Variants in CDKL1 observed in about 807,000 individuals in gnomAD.
CDKL1 encodes the protein cyclin-dependent kinase-like 1.
In CDKL1, 41 loss-of-function variants were observed where a neutral mutation model predicts 42.0. That is an observed-to-expected ratio of 0.98 (90% CI 0.76 to 1.27). The LOEUF is 1.27. CDKL1 is among the 50% of genes most tolerant of loss of function. CDKL1 has a pLI of 0.00. For missense variants in CDKL1, 394 were observed against 428.4 expected, an observed-to-expected ratio of 0.92 and a Z score of 0.71; for synonymous variants, 153 against 158.6, an observed-to-expected ratio of 0.96 and a Z score of 0.26.
intron 6 of CDKL1, among the ~76,000 whole-genome samples, chr14:50,339,298 A>G (rs1243374014): frequency 6.6e-6 from 1 of 152,154 alleles, no homozygotes; most frequent in Non-Finnish European, 1.5e-5. Context: ...CTCAGAGCCT[A>G]CAGTGTACTG....
intron 3 of CDKL1, among the ~76,000 whole-genome samples, chr14:50,351,093 G>C (rs1351370224): frequency 6.6e-6 from 1 of 152,094 alleles, no homozygotes; most frequent in East Asian, 1.9e-4. Context: ...GCGGGAGAGG[G>C]GGGTGTCATT....
intron 7 of CDKL1, chr14:50,335,352 C>T (rs2033205378): frequency 1.7e-6 from 1 of 577,566 alleles, no homozygotes; most frequent in African/African-American, 2.0e-5. Context: ...ATAAAGGGAG[C>T]TGCAAAATAG....
At chr14:50,337,540 A>T (rs1345880482) in intron 7 of CDKL1, among the ~76,000 whole-genome samples, 2 of 151,872 alleles carry the variant, frequency 1.3e-5, no homozygotes, top group East Asian at 3.9e-4. Flanking sequence ...TTTTGTAGAG[A>T]CAGGGTCTTG....
chr14:50,357,882 T>C, intron 3 of CDKL1: 1 of 408,340 alleles, frequency 2.4e-6, no homozygotes, highest in Non-Finnish European at 4.7e-6. Context: ...AAATCCACCA[T>C]ATAAGGGAAG....
intron 2 of CDKL1, among the ~76,000 whole-genome samples, chr14:50,394,511 G>A (rs1453567902): frequency 6.6e-6 from 1 of 152,118 alleles, no homozygotes; most frequent in African/African-American, 2.4e-5. Context: ...CTTATCCATG[G>A]GCACAAGATT....
chr14:50,336,104 A>C, intron 7 of CDKL1: 1 of 1,366,020 alleles, frequency 7.3e-7, no homozygotes, highest in Non-Finnish European at 9.8e-7. Context: ...TCTCAGCAAC[A>C]ATGTCTGGAT....
intron 9 of CDKL1, chr14:50,331,587 A>G (rs2032944511): frequency 5.9e-6 from 1 of 169,022 alleles, no homozygotes; most frequent in South Asian, 1.5e-4. Context: ...AAGGCAAGAT[A>G]ATGTATAGCT....
intron 2 of CDKL1, among the ~76,000 whole-genome samples, chr14:50,364,718 C>A (rs968813010): frequency 3.9e-5 from 6 of 152,174 alleles, no homozygotes; most frequent in African/African-American, 7.2e-5. Flanking sequence ...CAGGCACATA[C>A]AACAGGGTCA....
At chr14:50,383,748 T>G (rs1434341979) in intron 2 of CDKL1, among the ~76,000 whole-genome samples, 1 of 152,146 alleles carries the variant, frequency 6.6e-6, no homozygotes, top group African/African-American at 2.4e-5. Flanking sequence ...GAGTCTACAG[T>G]GTGTGGCAGG....
rs1555345092 is a variant in CDKL1 at position 50,387,033 on chromosome 14, A to AAAAAAAG, written c.168+8667_168+8668insCTTTTTT. Among the ~76,000 whole-genome samples the AAAAAAAG allele has an allele frequency of 9.5e-3, 1,368 of 144,208 alleles. 14 individuals carry two copies. Among genetic ancestry groups the AAAAAAAG allele is most frequent in the African/African-American group, 0.03 (1,210 of 39,674 alleles). The allele number at this position is 144,208 out of a possible 152,430, so 94.6% of individuals were successfully genotyped here. ...CAGAGCGAGACTCCGTCTCAAAAAG[A>AAAAAAAG]AAAAAAAAAAAAGAATACAAAGAAT... On this transcript the variant is annotated intron_variant, in intron 2 of 9. Coordinates refer to ENST00000395834, the MANE Select transcript of CDKL1 (RefSeq NM_004196.7).
upstream of CDKL1, chr14:50,396,951 C>T: frequency 1.9e-6 from 1 of 521,792 alleles, no homozygotes; most frequent in Non-Finnish European, 2.8e-6. Flanking sequence ...TGGGCGGGGC[C>T]GCCGCGCCCC....
intron 2 of CDKL1, among the ~76,000 whole-genome samples, chr14:50,371,819 C>G (rs1240221776): frequency 6.6e-6 from 1 of 152,240 alleles, no homozygotes; most frequent in Non-Finnish European, 1.5e-5. Flanking sequence ...CCCCTGCAGG[C>G]TCAGAAGTGC....
At chr14:50,392,455 T>C (rs944287493) in intron 2 of CDKL1, among the ~76,000 whole-genome samples, 1 of 112,264 alleles carries the variant, frequency 8.9e-6, no homozygotes, top group Non-Finnish European at 1.8e-5. Context: ...AAAAAAGAAA[T>C]AATAATAATA....
At chr14:50,331,213 A>G (rs1293409653) in intron 9 of CDKL1, 2 of 151,992 alleles carry the variant, frequency 1.3e-5, no homozygotes, top group African/African-American at 4.8e-5. Context: ...AGCCTGAGCG[A>G]CAGAGTGAGA....
intron 3 of CDKL1, among the ~76,000 whole-genome samples, chr14:50,352,537 G>A (rs2033932975): frequency 6.6e-6 from 1 of 152,004 alleles, no homozygotes; most frequent in Admixed American, 6.6e-5. Context: ...AGAGAGGAAT[G>A]GTGAGACATA....
chr14:50,374,179 A>G (rs969652235), intron 2 of CDKL1, among the ~76,000 whole-genome samples: 1 of 152,244 alleles, frequency 6.6e-6, no homozygotes, highest in Non-Finnish European at 1.5e-5. Flanking sequence ...AAAAGGCTAC[A>G]TATTGTACTA....
rs1595244422 is a variant in CDKL1, at chr14:50,332,360, T to A, written c.868A>T (p.Ile290Phe). The A allele has an allele frequency of 2.5e-6, 4 of 1,614,250 alleles. No individual in the cohort carries two copies. The East Asian group carries it at 8.9e-5, about 36-fold the overall frequency. Reference sequence around the variant, plus strand: ...TTTGCCAAATCCTCTATTTCTCTGATGTTTTCAAAATATGGGTGATGCAAC... The same window carrying A: ...TTTGCCAAATCCTCTATTTCTCTGAAGTTTTCAAAATATGGGTGATGCAAC... ...QLLHHPYFEN[I>F]REIEDLAKEH... Residue 290 changes from isoleucine (I) to phenylalanine (F), a missense_variant, in exon 9 of 10, where the codon ATC (isoleucine) becomes TTC (phenylalanine). Coordinates refer to ENST00000395834, the MANE Select transcript of CDKL1 (RefSeq NM_004196.7).
intron 4 of CDKL1, chr14:50,342,446 G>A (rs1419563239): frequency 1.5e-6 from 2 of 1,308,898 alleles, no homozygotes; most frequent in African/African-American, 1.5e-5. Context: ...AAGAGTGAAA[G>A]GAAAATGAAA....
chr14:50,332,167 G>A (rs575258369), intron 9 of CDKL1, 95 bp downstream of exon 9: 1 of 1,613,876 alleles, frequency 6.2e-7, no homozygotes, highest in Non-Finnish European at 8.5e-7. Context: ...GCTGGAATGA[G>A]GATGCTGGAG....
Sources: gnomAD v4.1 joint callset for allele counts (sites outside exome capture counted in the v4.1 genomes callset) on GRCh38, gnomAD v4.1.1 for gene constraint, MANE v1.5 for transcripts, NCBI Gene and HGNC (gene_info 2026-07-23, HGNC 2026-07-21) for gene names.